The following SCHIP1 variants were observed in gnomAD, a reference collection of about 807,000 sequenced individuals.
SCHIP1 encodes schwannomin interacting protein 1.
Under a neutral mutation model 29.7 loss-of-function variants are expected in SCHIP1, and 8 were observed. The observed-to-expected ratio is 0.27, with a 90% CI of 0.16 to 0.49. The LOEUF (loss-of-function observed/expected upper bound fraction) is 0.49, where lower values mean the gene tolerates loss of function less well. Ranked by LOEUF, SCHIP1 falls within the 20% of genes least tolerant of loss-of-function variation. The probability of loss-of-function intolerance (pLI) is 0.99; values close to 1 mark genes in which losing one functional copy is unlikely to be tolerated. For missense variants in SCHIP1, 193 were observed against 294.6 expected (o/e 0.66, Z 2.52); for synonymous variants, 76 against 94.9 (o/e 0.80, Z 1.16).
chr3:159,361,344 T>C, the SCHIP1 span, among the ~76,000 whole-genome samples: 3 of 152,084 alleles, frequency 2.0e-5, no homozygotes, highest in East Asian at 1.9e-4. Context: ...GAGTATCCCA[T>C]GTAGAGGACA....
the SCHIP1 span, among the ~76,000 whole-genome samples, chr3:159,666,743 T>C: frequency 2.5e-3 from 378 of 152,360 alleles, 2 homozygotes; most frequent in Middle Eastern, 0.01. Flanking sequence ...ATAACTCCTT[T>C]TCCTGACTCT....
chr3:159,605,763 C>A, the SCHIP1 span, among the ~76,000 whole-genome samples: 6 of 152,114 alleles, frequency 3.9e-5, no homozygotes, highest in African/African-American at 1.4e-4. Context: ...TTGAGGATAA[C>A]AATTCTTGTC....
At chr3:159,439,401 G>A in the SCHIP1 span, among the ~76,000 whole-genome samples, 3 of 152,070 alleles carry the variant, frequency 2.0e-5, no homozygotes, top group Non-Finnish European at 4.4e-5. Flanking sequence ...AGTGAAGGGT[G>A]GAAGACCGCC....
At chr3:159,694,413 G>A in the SCHIP1 span, among the ~76,000 whole-genome samples, 20 of 152,110 alleles carry the variant, frequency 1.3e-4, no homozygotes, top group African/African-American at 4.1e-4. Flanking sequence ...CCAGCCATTC[G>A]GGAGGCTGAG....
the SCHIP1 span, among the ~76,000 whole-genome samples, chr3:159,633,320 T>C: frequency 2.6e-5 from 4 of 152,138 alleles, no homozygotes; most frequent in Non-Finnish European, 4.4e-5. Context: ...GAGGGTGACA[T>C]GTATTAAAGA....
the SCHIP1 span, among the ~76,000 whole-genome samples, chr3:159,754,817 C>T: frequency 6.6e-6 from 1 of 152,192 alleles, no homozygotes; most frequent in African/African-American, 2.4e-5. Flanking sequence ...AGCTGGGGTC[C>T]AAGTGGTGAT....
the SCHIP1 span, among the ~76,000 whole-genome samples, chr3:159,630,948 T>C: frequency 1.3e-5 from 2 of 152,110 alleles, no homozygotes; most frequent in African/African-American, 2.4e-5. Flanking sequence ...ATTTGGGTAG[T>C]GGTGCATTTT....
At chr3:159,321,849 TGAA>T in the SCHIP1 span, among the ~76,000 whole-genome samples, 1 of 152,148 alleles carries the variant, frequency 6.6e-6, no homozygotes, top group Non-Finnish European at 1.5e-5. Flanking sequence ...TATAAAATAA[TGAA>T]GATTTTGAAT....
chr3:159,735,588 T>C, the SCHIP1 span, among the ~76,000 whole-genome samples: 1,022 of 152,288 alleles, frequency 6.7e-3, 11 homozygotes, highest in African/African-American at 0.024. Context: ...TTCAAGAACA[T>C]GATTATCCTT....
At chr3:159,450,034 G>C in the SCHIP1 span, among the ~76,000 whole-genome samples, 1 of 152,170 alleles carries the variant, frequency 6.6e-6, no homozygotes, top group Non-Finnish European at 1.5e-5. Context: ...GGAAGAATCA[G>C]TTTCTCAATA....
At chr3:159,629,601 G>A in the SCHIP1 span, among the ~76,000 whole-genome samples, 1 of 152,282 alleles carries the variant, frequency 6.6e-6, no homozygotes, top group Admixed American at 6.5e-5. Flanking sequence ...ACCAGCATGT[G>A]ACCTGGGGCA....
the SCHIP1 span, among the ~76,000 whole-genome samples, chr3:159,588,315 T>G: frequency 9.9e-5 from 15 of 151,748 alleles, no homozygotes; most frequent in South Asian, 2.1e-4. Flanking sequence ...TGAATGAGGT[T>G]GTTTTTTTTC....
chr3:159,886,162 A>G (rs1716942644), intron 2 of SCHIP1, 45 bp from the exon 4 acceptor site: 1 of 1,608,068 alleles, frequency 6.2e-7, no homozygotes, highest in Admixed American at 1.7e-5. Flanking sequence ...GAAGCCAAAT[A>G]ACAAACAGCT....
the SCHIP1 span, among the ~76,000 whole-genome samples, chr3:159,783,973 C>T: frequency 6.6e-6 from 1 of 152,330 alleles, no homozygotes; most frequent in African/African-American, 2.4e-5. Context: ...AGCACTCCAC[C>T]CCGGGGCTTC....
intron 2 of SCHIP1, 112 bp from the exon 4 acceptor site, chr3:159,886,095 A>C (rs1716935300): frequency 1.9e-6 from 2 of 1,040,350 alleles, no homozygotes; most frequent in South Asian, 3.0e-5. Context: ...TCATTTCTCC[A>C]TGTGAAGAAC....
chr3:159,682,409 C>T, the SCHIP1 span, among the ~76,000 whole-genome samples: 1 of 152,146 alleles, frequency 6.6e-6, no homozygotes, highest in Admixed American at 6.5e-5. Flanking sequence ...GGCTGGTACA[C>T]CCACTCAAAG....
At chr3:159,423,926 C>T in the SCHIP1 span, among the ~76,000 whole-genome samples, 19 of 152,168 alleles carry the variant, frequency 1.2e-4, no homozygotes, top group East Asian at 2.9e-3. Flanking sequence ...CTGCAAACAC[C>T]GCTGCTGATA....
chr3:159,428,121 G>C, the SCHIP1 span, among the ~76,000 whole-genome samples: 80,191 of 146,492 alleles, frequency 0.55, 22,345 homozygotes, highest in East Asian at 0.73. Context: ...ATACCATTCA[G>C]GACATAGGCA....
At chr3:159,346,208 G>A in the SCHIP1 span, among the ~76,000 whole-genome samples, 3 of 109,764 alleles carry the variant, frequency 2.7e-5, no homozygotes, top group South Asian at 2.9e-4. Flanking sequence ...AAAGAAAAAA[G>A]AAAAAAAGAA....
Sources: gnomAD v4.1 joint callset for allele counts (sites outside exome capture counted in the v4.1 genomes callset) on GRCh38, gnomAD v4.1.1 for gene constraint, MANE v1.5 for transcripts, NCBI Gene and HGNC (gene_info 2026-07-23, HGNC 2026-07-21) for gene names.